The following ASTN2 variants were observed in gnomAD, a reference collection of about 807,000 sequenced individuals.
ASTN2 encodes astrotactin 2.
Under a neutral mutation model 139.8 loss-of-function variants are expected in ASTN2, and 54 were observed. That is an observed-to-expected ratio of 0.39 (90% CI 0.31 to 0.48). The LOEUF is 0.48. Among genes scored for constraint, ASTN2 ranks in the 20% least tolerant of loss-of-function variants. The probability of loss-of-function intolerance (pLI) is 0.95; values close to 1 mark genes in which losing one functional copy is unlikely to be tolerated. For synonymous variants in ASTN2, 756 were observed against 719.5 expected, an observed-to-expected ratio of 1.05 and a Z score of -0.81; for missense variants, 1,565 against 1,725.1, an observed-to-expected ratio of 0.91 and a Z score of 1.64.
chr9:117,404,447 T>A (rs1164202636), intron 1 of ASTN2, among the ~76,000 whole-genome samples: 1 of 152,164 alleles, frequency 6.6e-6, no homozygotes, highest in East Asian at 1.9e-4. Context: ...GCTACATAGA[T>A]GAAGGAGTTG....
rs1254603334 is a variant in ASTN2, at chr9:116,699,810, C to A, written c.2806+25961G>T. ...AATAGACTCAGCCTATGTCCTGATT[C>A]CAGCTGGGTAGTTCTAGAACTTCAG... On this transcript the variant is annotated intron_variant, in intron 16 of 22. Transcript: ENST00000313400. The surrounding 1 kb of genome is among the most constrained non-coding windows in gnomAD (Gnocchi z 4.2). 2 of 1,496,540 alleles carry A rather than the reference C, an allele frequency of 1.3e-6. No individual in the cohort carries two copies. Among genetic ancestry groups the A allele is most frequent in the African/African-American group, 2.8e-5 (2 of 72,314 alleles). 92.7% of individuals were successfully genotyped at this position (1,496,540 alleles called of 1,614,324 possible).
chr9:117,134,281 TATATATATATATATACAC>T (rs1209943727), intron 4 of ASTN2, among the ~76,000 whole-genome samples: 4 of 75,580 alleles, frequency 5.3e-5, no homozygotes, highest in Non-Finnish European at 1.1e-4. Flanking sequence ...TATATATATA[TATATATATATATATACAC>T]ACACACACAC....
Position 117,414,706 on chromosome 9 carries a change from TC to T in ASTN2, c.232del (p.Glu78ArgfsTer100). ...GGCGCCGCTCCAGCCGATGTCGCTCTCCCGCAGGGCGGGCAGTGTGGACACC... is the reference window on the plus strand; with the variant it reads ...GGCGCCGCTCCAGCCGATGTCGCTCTCCGCAGGGCGGGCAGTGTGGACACC... Reference protein sequence around the residue: ...VTVSTLPALRESDIGWSGARA... With the variant: ...VTVSTLPALRXSDIGWSGARA... On this transcript the variant is annotated frameshift_variant, in exon 1 of 23. Transcript: ENST00000313400. LOFTEE classifies it high-confidence loss of function. The surrounding 1 kb of genome is among the most constrained non-coding windows in gnomAD (Gnocchi z 4.2). The T allele has an allele frequency of 8.0e-7, 1 of 1,257,810 alleles. No homozygotes were observed. Among genetic ancestry groups the T allele is most frequent in the Non-Finnish European group, 1.0e-6 (1 of 1,002,842 alleles). The allele number at this position is 1,257,810 out of a possible 1,614,324, so 77.9% of individuals were successfully genotyped here. A position where few individuals can be genotyped will look rare whatever the true frequency, so the allele number is the denominator to read the frequency against.
chr9:117,271,563 T>C (rs1443027486), intron 2 of ASTN2, among the ~76,000 whole-genome samples: 1 of 152,176 alleles, frequency 6.6e-6, no homozygotes, highest in Non-Finnish European at 1.5e-5. Flanking sequence ...AAGTCTCATC[T>C]GAAACAAGGT....
chr9:117,049,892 T>C (rs944517018), intron 5 of ASTN2, among the ~76,000 whole-genome samples: 2 of 152,030 alleles, frequency 1.3e-5, no homozygotes, highest in African/African-American at 4.8e-5. Context: ...ATAGATTAAA[T>C]TGCAGTGTGT....
At chr9:116,764,363 C>T (rs1389139935) in intron 13 of ASTN2, among the ~76,000 whole-genome samples, 1 of 152,120 alleles carries the variant, frequency 6.6e-6, no homozygotes, top group Non-Finnish European at 1.5e-5. Context: ...TGCTGAAGGG[C>T]CTCTTTAGTC....
intron 10 of ASTN2, among the ~76,000 whole-genome samples, chr9:116,888,551 C>T (rs1462793056): frequency 3.9e-5 from 6 of 152,090 alleles, no homozygotes; most frequent in Non-Finnish European, 8.8e-5. Flanking sequence ...GAGACAGAGT[C>T]TTGCTCTGTC....
intron 11 of ASTN2, among the ~76,000 whole-genome samples, chr9:116,828,308 A>AG (rs1353570516): frequency 6.6e-5 from 10 of 151,850 alleles, no homozygotes; most frequent in Middle Eastern, 6.8e-3. Context: ...CTCAAAAAAA[A>AG]AAAAAAAAAT....
At chr9:117,406,857 AACACACACACACACAC>A (rs59125408) in intron 1 of ASTN2, among the ~76,000 whole-genome samples, 5,403 of 144,326 alleles carry the variant, frequency 0.037, 324 homozygotes, top group African/African-American at 0.13. Context: ...ATTGTCCCCT[AACACACACACACACAC>A]ACACACACAC....
At chr9:116,927,729 G>T (rs1023675828) in intron 10 of ASTN2, among the ~76,000 whole-genome samples, 1 of 152,114 alleles carries the variant, frequency 6.6e-6, no homozygotes, top group African/African-American at 2.4e-5. Flanking sequence ...TAAGCATCTC[G>T]GGGCTGGAGG....
intron 2 of ASTN2, among the ~76,000 whole-genome samples, chr9:117,258,718 C>T (rs1281506453): frequency 6.6e-6 from 1 of 152,142 alleles, no homozygotes; most frequent in South Asian, 2.1e-4. Flanking sequence ...CAACAAACCA[C>T]TTCCACTCCC....
At chr9:117,296,277 CAAAAAAAA>C (rs5900277) in intron 1 of ASTN2, among the ~76,000 whole-genome samples, 6 of 71,002 alleles carry the variant, frequency 8.5e-5, no homozygotes, top group African/African-American at 3.0e-4. Context: ...GACTGCATCT[CAAAAAAAA>C]AAAAAAAAAA....
chr9:116,678,620 A>G (rs1859646571), intron 16 of ASTN2, among the ~76,000 whole-genome samples: 1 of 152,190 alleles, frequency 6.6e-6, no homozygotes, highest in African/African-American at 2.4e-5. Flanking sequence ...CAAAGTGAAA[A>G]GGGCTTATAA....
intron 10 of ASTN2, among the ~76,000 whole-genome samples, chr9:116,870,994 C>T (rs1369310096): frequency 1.3e-5 from 2 of 152,208 alleles, no homozygotes; most frequent in African/African-American, 2.4e-5. Context: ...CACGGTGCCT[C>T]ACGCCTGTAA....
chr9:117,223,387 G>A (rs1036205117), intron 2 of ASTN2, among the ~76,000 whole-genome samples: 2 of 152,162 alleles, frequency 1.3e-5, no homozygotes, highest in Non-Finnish European at 2.9e-5. Flanking sequence ...GAATTAACTG[G>A]TCCCAAATGT....
At chr9:117,404,690 T>G (rs575305059) in intron 1 of ASTN2, among the ~76,000 whole-genome samples, 1 of 152,200 alleles carries the variant, frequency 6.6e-6, no homozygotes, top group African/African-American at 2.4e-5. Flanking sequence ...CCTAGCCAGA[T>G]AGCGGCTACA....
intron 11 of ASTN2, among the ~76,000 whole-genome samples, chr9:116,857,031 T>C (rs1432190106): frequency 1.3e-5 from 2 of 152,314 alleles, no homozygotes; most frequent in African/African-American, 4.8e-5. Context: ...TCTCCACATA[T>C]CCCAGTTTCC....
chr9:116,457,405 AAGAC>A (rs932823695), intron 20 of ASTN2, among the ~76,000 whole-genome samples: 4 of 152,226 alleles, frequency 2.6e-5, no homozygotes, highest in East Asian at 1.9e-4. Flanking sequence ...AATAAGGTGA[AAGAC>A]AGCCCACAGA....
chr9:116,846,898 C>A (rs1832446227), intron 11 of ASTN2, among the ~76,000 whole-genome samples: 1 of 149,816 alleles, frequency 6.7e-6, no homozygotes. Context: ...GCTGGTCAAC[C>A]TTTTGGTGGC....
Sources: allele counts gnomAD v4.1 joint callset (sites outside exome capture counted in the v4.1 genomes callset), GRCh38; gene constraint gnomAD v4.1.1; non-coding constraint Gnocchi (gnomAD v3.1); transcripts MANE v1.5; gene names NCBI Gene and HGNC (gene_info 2026-07-23, HGNC 2026-07-21).